SNX29: variants seen among roughly 807,000 people sequenced by gnomAD.
SNX29 encodes sorting nexin-29.
A neutral mutation model predicts 102.1 loss-of-function variants in SNX29; 78 were observed. The observed-to-expected ratio is 0.76, with a 90% CI of 0.64 to 0.92. The LOEUF (loss-of-function observed/expected upper bound fraction) is 0.92. SNX29 is among the 40% of genes least tolerant of loss of function. SNX29 has a pLI of 0.00. For missense variants in SNX29, 1,280 were observed against 1,061.7 expected (o/e 1.21, Z -2.86); for synonymous variants, 580 against 414.5 (o/e 1.40, Z -4.85).
At chr16:12,128,361 G>A (rs1406479901) in intron 12 of SNX29, among the ~76,000 whole-genome samples, 2 of 152,104 alleles carry the variant, frequency 1.3e-5, no homozygotes, top group African/African-American at 4.8e-5. Context: ...CCCAAGAGGG[G>A]AATTTCCTCA....
In SNX29 at chr16:12,522,858, T is replaced by C. The variant is rs190413087; in HGVS notation, c.2179-1844T>C. Among the ~76,000 whole-genome samples, 227 of 152,254 alleles carry C rather than the reference T, an allele frequency of 1.5e-3. 1 individual carries two copies. Among genetic ancestry groups the C allele is most frequent in the African/African-American group, 5.2e-3 (214 of 41,548 alleles). ...GTCAGGGTCTAACTGTCTCCCAGGG[T>C]GGAATGCGGTGGTGTGATCATAGTG... On this transcript the variant is annotated intron_variant, in intron 19 of 20. Transcript: ENST00000566228.
chr16:12,402,338 A>G (rs1056272267), intron 17 of SNX29, among the ~76,000 whole-genome samples: 1 of 152,224 alleles, frequency 6.6e-6, no homozygotes, highest in African/African-American at 2.4e-5. Flanking sequence ...GGAATCTTCC[A>G]TCACCGGTGT....
At chr16:12,548,539 G>C (rs926548886) in intron 20 of SNX29, among the ~76,000 whole-genome samples, 1 of 152,170 alleles carries the variant, frequency 6.6e-6, no homozygotes. Context: ...AGCCTTCTGG[G>C]AATTCCCTCT....
At chr16:12,553,435 C>T (rs1016244132) in intron 20 of SNX29, among the ~76,000 whole-genome samples, 3 of 152,194 alleles carry the variant, frequency 2.0e-5, no homozygotes, top group Non-Finnish European at 4.4e-5. Flanking sequence ...CACACTCCAA[C>T]CTGCTGAGCA....
chr16:12,191,844 G>T (rs1405777572), intron 13 of SNX29, among the ~76,000 whole-genome samples: 2 of 152,222 alleles, frequency 1.3e-5, no homozygotes, highest in Non-Finnish European at 2.9e-5. Flanking sequence ...TATTCTGGGG[G>T]AGTCCTCATG....
intron 18 of SNX29, among the ~76,000 whole-genome samples, chr16:12,450,290 G>C (rs1459108381): frequency 6.6e-6 from 1 of 152,212 alleles, no homozygotes; most frequent in African/African-American, 2.4e-5. Context: ...GTTGAGAGGG[G>C]CAGGGTGCAG....
Position 12,267,256 on chromosome 16 carries a change from G to T in SNX29, c.1679-10677G>T, listed in dbSNP as rs956069954. Among the ~76,000 whole-genome samples the T allele has an allele frequency of 3.9e-5, 6 of 152,176 alleles. No individual in the cohort carries two copies. The East Asian group carries it at 1.2e-3, about 29-fold the overall frequency. The stretch of plus-strand genomic sequence containing the variant: ...TTAGCATGGGTGCGAGTGTGTGTGT[G>T]TGTGTATGTGTGGCATGCAGGGGAG... On this transcript the variant is annotated intron_variant, in intron 14 of 20. Coordinates refer to ENST00000566228, the MANE Select transcript of SNX29 (RefSeq NM_032167.5).
At chr16:12,423,091 G>A (rs913276870) in intron 18 of SNX29, among the ~76,000 whole-genome samples, 3 of 152,094 alleles carry the variant, frequency 2.0e-5, no homozygotes, top group Non-Finnish European at 4.4e-5. Context: ...AGGTGAATAC[G>A]AGGTGATACC....
chr16:12,329,764 C>T (rs968327937), intron 15 of SNX29, among the ~76,000 whole-genome samples: 3 of 152,240 alleles, frequency 2.0e-5, no homozygotes, highest in Admixed American at 6.5e-5. Context: ...GCACACATGC[C>T]AAGTGGCCCT....
At chr16:12,093,665 C>T (rs1390185562) in intron 11 of SNX29, 1 of 152,198 alleles carries the variant, frequency 6.6e-6, no homozygotes, top group Non-Finnish European at 1.5e-5. Context: ...CTCGTTTTCC[C>T]AGTCCTTGAA....
At chr16:12,381,873 A>G (rs2083177715) in intron 16 of SNX29, among the ~76,000 whole-genome samples, 1 of 145,336 alleles carries the variant, frequency 6.9e-6, no homozygotes, top group Admixed American at 6.9e-5. Context: ...CTCACCCATC[A>G]TGCATCCTCC....
At position 12,541,579 on chromosome 16, in the gene SNX29, C is replaced by G. The variant is rs115953074; in HGVS notation, c.2318+16738C>G. Among the ~76,000 whole-genome samples the G allele has an allele frequency of 3.9e-3, 587 of 152,296 alleles. 5 individuals carry two copies. The highest frequency in any genetic ancestry group is 0.013 in the African/African-American group (555 of 41,554). On this transcript the variant is annotated intron_variant, in intron 20 of 20. Coordinates refer to ENST00000566228, the MANE Select transcript of SNX29 (RefSeq NM_032167.5). ...TCAAGCTGCCAAATTGCTCTCCATG[C>G]CAGACCTCAACCCTGAGGTCACACT...
rs551481901 is a variant in SNX29 at position 12,536,397 on chromosome 16, C to G, written c.2318+11556C>G. Among the ~76,000 whole-genome samples, 5 of 151,874 alleles carry G rather than the reference C, an allele frequency of 3.3e-5. 1 individual carries two copies. The highest frequency in any genetic ancestry group is 2.0e-4 in the Admixed American group (3 of 15,220). ...GTTTATGACTTTCACATTAAAGGTA[C>G]AAGCAGAATGGCCTCATCAGTAAGG... On this transcript the variant is annotated intron_variant, in intron 20 of 20. Coordinates refer to ENST00000566228, the MANE Select transcript of SNX29 (RefSeq NM_032167.5).
intron 14 of SNX29, among the ~76,000 whole-genome samples, chr16:12,266,796 C>A (rs1357434970): frequency 1.3e-5 from 2 of 151,560 alleles, no homozygotes; most frequent in African/African-American, 4.9e-5. Flanking sequence ...TGGAGTCTTG[C>A]TCTGCCACCC....
intron 19 of SNX29, among the ~76,000 whole-genome samples, chr16:12,495,433 C>T (rs1413492232): frequency 6.6e-6 from 1 of 152,184 alleles, no homozygotes; most frequent in African/African-American, 2.4e-5. Context: ...CAGGTGTGAG[C>T]CACCATGCCT....
chr16:12,302,367 T>G (rs747665916), intron 15 of SNX29, among the ~76,000 whole-genome samples: 7 of 152,258 alleles, frequency 4.6e-5, no homozygotes, highest in Non-Finnish European at 7.3e-5. Flanking sequence ...CATTATTGAT[T>G]GTGTTATCTA....
chr16:12,565,849 G>T (rs75279114), intron 20 of SNX29, among the ~76,000 whole-genome samples: 5 of 151,984 alleles, frequency 3.3e-5, no homozygotes, highest in African/African-American at 7.3e-5. Context: ...TGCCTCCTCC[G>T]GGAAGCCCTC....
chr16:12,511,772 C>G (rs993629261), intron 19 of SNX29, among the ~76,000 whole-genome samples: 2 of 152,090 alleles, frequency 1.3e-5, no homozygotes, highest in African/African-American at 4.8e-5. Context: ...CTGTCATCCC[C>G]CCTCCCCCGC....
At chr16:12,117,939 C>CA (rs1029535499) in intron 11 of SNX29, among the ~76,000 whole-genome samples, 4 of 151,858 alleles carry the variant, frequency 2.6e-5, no homozygotes, top group Non-Finnish European at 2.9e-5. Context: ...ACTAAAAATA[C>CA]AAAAAAACTT....
Sources: allele counts gnomAD v4.1 joint callset (sites outside exome capture counted in the v4.1 genomes callset), GRCh38; gene constraint gnomAD v4.1.1; transcripts MANE v1.5; gene names NCBI Gene and HGNC (gene_info 2026-07-23, HGNC 2026-07-21).